Variants in HAO1 observed in about 807,000 individuals in gnomAD.
HAO1 encodes 2-Hydroxyacid oxidase 1.
In HAO1, 34 loss-of-function variants were observed where a neutral mutation model predicts 39.7. The observed-to-expected ratio is 0.86, with a 90% CI of 0.65 to 1.14. HAO1 has a LOEUF of 1.14. Among genes scored for constraint, HAO1 ranks in the 50% most tolerant of loss-of-function variants. The probability of loss-of-function intolerance (pLI) is 0.00; values close to 1 mark genes in which losing one functional copy is unlikely to be tolerated. For synonymous variants in HAO1, 172 were observed against 173.2 expected (o/e 0.99, Z 0.05); for missense variants, 479 against 464.5 (o/e 1.03, Z -0.29).
chr20:7,897,947 A>T (rs932424008), intron 4 of HAO1, among the ~76,000 whole-genome samples: 3 of 152,166 alleles, frequency 2.0e-5, no homozygotes, highest in Non-Finnish European at 2.9e-5. Flanking sequence ...TCCATGTAAG[A>T]AAATGCAGGA....
intron 4 of HAO1, among the ~76,000 whole-genome samples, chr20:7,903,502 TG>T (rs2050230759): frequency 6.6e-6 from 1 of 151,594 alleles, no homozygotes; most frequent in Admixed American, 6.6e-5. Context: ...ATAGGAGTGG[TG>T]GAGGTGGTAG....
At chr20:7,902,010 A>C (rs2050223291) in intron 4 of HAO1, among the ~76,000 whole-genome samples, 1 of 152,250 alleles carries the variant, frequency 6.6e-6, no homozygotes, top group Admixed American at 6.5e-5. Flanking sequence ...TGCTGCAATC[A>C]TGAGATAAAA....
At chr20:7,925,129 T>C (rs562130080) in intron 2 of HAO1, among the ~76,000 whole-genome samples, 1 of 152,262 alleles carries the variant, frequency 6.6e-6, no homozygotes, top group East Asian at 1.9e-4. Context: ...ATGTCTAAAA[T>C]TACAATTGAG....
intron 5 of HAO1, among the ~76,000 whole-genome samples, chr20:7,888,909 A>G (rs1275097315): frequency 6.6e-6 from 1 of 152,140 alleles, no homozygotes; most frequent in African/African-American, 2.4e-5. Flanking sequence ...CTTCATGAGA[A>G]TGCTGGAAGA....
intron 3 of HAO1, 57 bp from the exon 4 acceptor site, chr20:7,906,386 T>C (rs926848299): frequency 1.1e-6 from 1 of 939,188 alleles, no homozygotes; most frequent in African/African-American, 1.6e-5. Flanking sequence ...ACGTTTCCAA[T>C]GATTCATTCA....
chr20:7,914,456 A>G (rs557057877), intron 2 of HAO1, 37 bp from the exon 3 acceptor site: 75 of 1,604,836 alleles, frequency 4.7e-5, no homozygotes, highest in Non-Finnish European at 6.2e-5. Context: ...TGGGCCTGGC[A>G]TTGCTTACCC....
chr20:7,901,487 G>A (rs2223275), intron 4 of HAO1, among the ~76,000 whole-genome samples: 118,368 of 152,034 alleles, frequency 0.78, 46,718 homozygotes, highest in Non-Finnish European at 0.84. Context: ...TTTACAACAC[G>A]GTTTACTAAA....
intron 2 of HAO1, among the ~76,000 whole-genome samples, chr20:7,916,733 T>A (rs1449890040): frequency 6.6e-6 from 1 of 152,248 alleles, no homozygotes; most frequent in Non-Finnish European, 1.5e-5. Flanking sequence ...CCTTTGAAGA[T>A]GTTTTTCATA....
chr20:7,900,402 G>C (rs2050216357), intron 4 of HAO1, among the ~76,000 whole-genome samples: 1 of 152,040 alleles, frequency 6.6e-6, no homozygotes, highest in South Asian at 2.1e-4. Flanking sequence ...TGGCATTGTG[G>C]CAACCCCGCA....
intron 4 of HAO1, among the ~76,000 whole-genome samples, chr20:7,895,666 A>G (rs1207400058): frequency 1.3e-5 from 2 of 152,026 alleles, no homozygotes; most frequent in Non-Finnish European, 2.9e-5. Context: ...ATTTCAAAAA[A>G]CAATCTTTAA....
At chr20:7,913,257 C>G (rs181823851) in intron 3 of HAO1, among the ~76,000 whole-genome samples, 119 of 150,472 alleles carry the variant, frequency 7.9e-4, no homozygotes, top group Admixed American at 1.3e-3. Context: ...GGAAGACATT[C>G]CTCATCATCT....
In HAO1 at chr20:7,906,308, A is replaced by C. The variant is rs1405063525; in HGVS notation, c.567T>G (p.Ser189Arg). 1.2e-5 allele frequency: 20 copies of C among 1,603,912 alleles called. No individual in the cohort carries two copies. Among genetic ancestry groups the C allele is most frequent in the Non-Finnish European group, 1.5e-5 (18 of 1,173,962 alleles). The change falls in exon 4 of 8, where the codon AGT becomes AGG. Residue 189 changes from serine (S) to arginine (R), a missense_variant. Physicochemically the swap from Ser to Arg is moderately radical, Grantham distance 110. Transcript: ENST00000378789. ...TTTCCTCAGGAGAAAATGATAAAGT[A>C]CTGGTTTCAAAATTTTTCATCCTAA... is the stretch of plus-strand genomic sequence containing the variant. The part of the protein sequence containing the change: ...PQLRMKNFET[S>R]TLSFSPEENF...
chr20:7,915,380 G>A (rs2050302127), intron 2 of HAO1, among the ~76,000 whole-genome samples: 1 of 151,926 alleles, frequency 6.6e-6, no homozygotes, highest in African/African-American at 2.4e-5. Context: ...GAAGGGAAAG[G>A]GGAAGGAGAA....
At chr20:7,884,575 G>C (rs2050142672) in intron 7 of HAO1, among the ~76,000 whole-genome samples, 1 of 152,164 alleles carries the variant, frequency 6.6e-6, no homozygotes, top group Non-Finnish European at 1.5e-5. Context: ...TCTGGAGGAA[G>C]AGCATCCAGG....
intron 2 of HAO1, 53 bp from the exon 3 acceptor site, chr20:7,914,472 A>C (rs1482170671): frequency 6.3e-7 from 1 of 1,591,580 alleles, no homozygotes; most frequent in Admixed American, 1.7e-5. Flanking sequence ...TACCCTCCCA[A>C]ACCTTTGAAT....
intron 4 of HAO1, among the ~76,000 whole-genome samples, 156 bp from the exon 5 acceptor site, chr20:7,895,380 G>A (rs2050192283): frequency 6.6e-6 from 1 of 152,078 alleles, no homozygotes; most frequent in Non-Finnish European, 1.5e-5. Context: ...GTTAGCGCTA[G>A]AATATTAGTG....
At chr20:7,928,440 C>T (rs2050369891) in intron 2 of HAO1, among the ~76,000 whole-genome samples, 1 of 150,904 alleles carries the variant, frequency 6.6e-6, no homozygotes, top group Non-Finnish European at 1.5e-5. Flanking sequence ...TCATCCACTT[C>T]TATGCCAGTT....
rs73597946 is a variant in HAO1 at position 7,915,439 on chromosome 20, C to T, written c.290-1020G>A. Among the ~76,000 whole-genome samples, 259 of 152,196 alleles carry T rather than the reference C, an allele frequency of 1.7e-3. 1 individual carries two copies. The highest frequency in any genetic ancestry group is 5.9e-3 in the African/African-American group (247 of 41,530). ...ACTGCTAAGAAAAAGAAGAATTCTG[C>T]AAGGAGCCTGCCTTCAGACTGGAAC... is the stretch of plus-strand genomic sequence containing the variant. On this transcript the variant is annotated intron_variant, in intron 2 of 7. Transcript: ENST00000378789.
At chr20:7,903,870 T>TGGTGGTAGC (rs1402957449) in intron 4 of HAO1, among the ~76,000 whole-genome samples, 79 of 127,694 alleles carry the variant, frequency 6.2e-4, no homozygotes, top group African/African-American at 2.2e-3. Context: ...GTGGTGGTGG[T>TGGTGGTAGC]GGTGGTGGTG....
Sources: allele counts gnomAD v4.1 joint callset (sites outside exome capture counted in the v4.1 genomes callset), GRCh38; gene constraint gnomAD v4.1.1; transcripts MANE v1.5; gene names NCBI Gene and HGNC (gene_info 2026-07-23, HGNC 2026-07-21).